DCC: variants seen among roughly 807,000 people sequenced by gnomAD.
DCC encodes netrin receptor DCC.
A neutral mutation model predicts 172.5 loss-of-function variants in DCC; 58 were observed. That is an observed-to-expected ratio of 0.34 (90% CI 0.27 to 0.42). DCC has a LOEUF of 0.42. DCC is among the 10% of genes least tolerant of loss of function. DCC has a pLI of 1.00. For missense variants in DCC, 1,740 were observed against 1,791.0 expected, an observed-to-expected ratio of 0.97 and a Z score of 0.51; for synonymous variants, 709 against 644.5, an observed-to-expected ratio of 1.10 and a Z score of -1.52.
chr18:52,718,661 T>G (rs1167902219), intron 1 of DCC, among the ~76,000 whole-genome samples: 1 of 152,206 alleles, frequency 6.6e-6, no homozygotes. Context: ...CTAGAAGGGA[T>G]GCTCTGCAGA....
intron 2 of DCC, among the ~76,000 whole-genome samples, chr18:52,848,744 C>A (rs143818424): frequency 6.6e-6 from 1 of 152,100 alleles, no homozygotes; most frequent in African/African-American, 2.4e-5. Context: ...ATGGAATTAT[C>A]CATCTTTCTC....
At chr18:52,420,917 G>T (rs1987225978) in intron 1 of DCC, among the ~76,000 whole-genome samples, 1 of 152,106 alleles carries the variant, frequency 6.6e-6, no homozygotes, top group Non-Finnish European at 1.5e-5. Context: ...GTTTAAAAGT[G>T]ATTCAGGATT....
intron 2 of DCC, among the ~76,000 whole-genome samples, chr18:52,816,084 A>G (rs1051981465): frequency 5.9e-5 from 9 of 152,198 alleles, no homozygotes; most frequent in African/African-American, 2.2e-4. Flanking sequence ...TGTTTCGGAA[A>G]CTTCTGTGCT....
At chr18:52,877,182 A>G (rs1438181849) in intron 2 of DCC, among the ~76,000 whole-genome samples, 3 of 152,118 alleles carry the variant, frequency 2.0e-5, no homozygotes, top group African/African-American at 7.2e-5. Context: ...AGATACTTGT[A>G]TGTTGTGGTA....
chr18:52,672,510 A>G (rs1446937297), intron 1 of DCC, among the ~76,000 whole-genome samples: 1 of 151,802 alleles, frequency 6.6e-6, no homozygotes, highest in Non-Finnish European at 1.5e-5. Context: ...TTCTTTCCTT[A>G]CTTCCTCATT....
At chr18:52,554,666 A>C (rs536369586) in intron 1 of DCC, among the ~76,000 whole-genome samples, 1 of 152,224 alleles carries the variant, frequency 6.6e-6, no homozygotes, top group African/African-American at 2.4e-5. Flanking sequence ...GATACCTAGC[A>C]TGATAGAGAC....
intron 2 of DCC, among the ~76,000 whole-genome samples, chr18:52,776,897 C>T (rs768431443): frequency 6.6e-6 from 1 of 152,078 alleles, no homozygotes; most frequent in African/African-American, 2.4e-5. Flanking sequence ...GAAAGTGTCT[C>T]AAATCTTTGC....
At chr18:52,927,478 A>G (rs1014934752) in intron 5 of DCC, among the ~76,000 whole-genome samples, 3 of 152,074 alleles carry the variant, frequency 2.0e-5, no homozygotes, top group Middle Eastern at 3.4e-3. Flanking sequence ...GTTTTATTCC[A>G]TAAACTTCTC....
At chr18:52,927,887 C>T (rs8096807) in intron 5 of DCC, among the ~76,000 whole-genome samples, 59,597 of 151,828 alleles carry the variant, frequency 0.39, 12,311 homozygotes, top group Non-Finnish European at 0.47. Flanking sequence ...AGTAGAATTA[C>T]TATTTGACCC....
chr18:53,127,106 C>G (rs955419827), intron 7 of DCC, among the ~76,000 whole-genome samples: 3 of 150,112 alleles, frequency 2.0e-5, no homozygotes, highest in African/African-American at 4.9e-5. Flanking sequence ...AGTGATTCTC[C>G]CTAAAATACG....
intron 12 of DCC, among the ~76,000 whole-genome samples, chr18:53,300,555 A>T (rs768958954): frequency 5.3e-5 from 8 of 152,170 alleles, no homozygotes; most frequent in African/African-American, 1.9e-4. Flanking sequence ...AGAGTTGACA[A>T]TACTGTCATA....
At chr18:52,953,369 G>A (rs116541750) in intron 5 of DCC, among the ~76,000 whole-genome samples, 4 of 152,012 alleles carry the variant, frequency 2.6e-5, no homozygotes, top group Admixed American at 6.6e-5. Flanking sequence ...GCACAGCCTC[G>A]ACTGATGTCT....
At chr18:53,231,292 T>C (rs994318076) in intron 12 of DCC, among the ~76,000 whole-genome samples, 3 of 152,088 alleles carry the variant, frequency 2.0e-5, no homozygotes, top group African/African-American at 7.2e-5. Context: ...GGTACTATTC[T>C]TGGGAAATAT....
intron 1 of DCC, among the ~76,000 whole-genome samples, chr18:52,683,292 A>G (rs1417080579): frequency 6.6e-6 from 1 of 152,072 alleles, no homozygotes; most frequent in Non-Finnish European, 1.5e-5. Flanking sequence ...GACTTGAAAT[A>G]TGTAAAACTG....
chr18:52,419,327 G>A (rs1428171492), intron 1 of DCC: 1 of 152,036 alleles, frequency 6.6e-6, no homozygotes. Context: ...TGATTATCTT[G>A]GCCTGCAAGA....
intron 2 of DCC, among the ~76,000 whole-genome samples, chr18:52,805,638 A>G (rs1019373594): frequency 2.0e-5 from 3 of 152,234 alleles, no homozygotes; most frequent in African/African-American, 7.2e-5. Context: ...CCTTGATTTA[A>G]AGTCTACCAA....
At chr18:52,606,520 A>G (rs1248901386) in intron 1 of DCC, among the ~76,000 whole-genome samples, 3 of 152,182 alleles carry the variant, frequency 2.0e-5, no homozygotes, top group Non-Finnish European at 4.4e-5. Context: ...TGAAGAGCAC[A>G]TTATATGATG....
chr18:53,174,113 G>C (rs1349130808), intron 8 of DCC, among the ~76,000 whole-genome samples: 1 of 141,222 alleles, frequency 7.1e-6, no homozygotes, highest in Non-Finnish European at 1.5e-5. Flanking sequence ...CAGAAATAAA[G>C]ATGTTCTTTG....
Position 52,465,537 on chromosome 18 carries a change from G to A in DCC, c.91+124659G>A, listed in dbSNP as rs927407799. On this transcript the variant is annotated intron_variant, in intron 1 of 28. Transcript: ENST00000442544. ...TGAATGCCTAAAGTTTTGTGGAGAT[G>A]CCCTCAGGGACTTGGACTTGGGCTT... 3.3e-5 allele frequency among the ~76,000 whole-genome samples: 5 copies of A among 152,228 alleles called. 1 individual carries two copies. Among genetic ancestry groups the A allele is most frequent in the Admixed American group, 2.6e-4 (4 of 15,282 alleles).
Sources: gnomAD v4.1 joint callset for allele counts (sites outside exome capture counted in the v4.1 genomes callset) on GRCh38, gnomAD v4.1.1 for gene constraint, MANE v1.5 for transcripts, NCBI Gene and HGNC (gene_info 2026-07-23, HGNC 2026-07-21) for gene names.